The following ADAMTS17 variants were observed in gnomAD, a reference collection of about 807,000 sequenced individuals.
The protein encoded by ADAMTS17 is A disintegrin and metalloproteinase with thrombospondin motifs 17.
ADAMTS17 carries 113 observed loss-of-function variants against 141.5 expected under a neutral mutation model. The observed-to-expected ratio is 0.80, with a 90% CI of 0.69 to 0.93. ADAMTS17 has a LOEUF of 0.93. ADAMTS17 is among the 40% of genes least tolerant of loss of function. The pLI, the probability that ADAMTS17 is intolerant of heterozygous loss-of-function variation, is 0.00. For missense variants in ADAMTS17, 1,659 were observed against 1,517.9 expected, an observed-to-expected ratio of 1.09 and a Z score of -1.54; for synonymous variants, 768 against 630.6, an observed-to-expected ratio of 1.22 and a Z score of -3.27.
chr15:100,168,127 G>C (rs1243784856), intron 8 of ADAMTS17, among the ~76,000 whole-genome samples: 1 of 152,188 alleles, frequency 6.6e-6, no homozygotes, highest in Non-Finnish European at 1.5e-5. Context: ...CACTGTATCT[G>C]TTAGAGGCAG....
chr15:100,300,688 T>C (rs1596476381), intron 3 of ADAMTS17, among the ~76,000 whole-genome samples: 1 of 152,344 alleles, frequency 6.6e-6, no homozygotes, highest in East Asian at 1.9e-4. Flanking sequence ...GAGCTTCCTG[T>C]GGCTTCCTCT....
At chr15:100,023,469 G>A (rs1400883214) in intron 18 of ADAMTS17, among the ~76,000 whole-genome samples, 1 of 152,040 alleles carries the variant, frequency 6.6e-6, no homozygotes, top group Admixed American at 6.6e-5. Flanking sequence ...GCCTCCCAAA[G>A]TGGTGGGATT....
At chr15:100,138,735 G>C (rs893717321) in intron 10 of ADAMTS17, among the ~76,000 whole-genome samples, 11 of 152,086 alleles carry the variant, frequency 7.2e-5, no homozygotes, top group Non-Finnish European at 1.5e-5. Flanking sequence ...GAAAACAGCT[G>C]GAACAGAACA....
chr15:100,244,237 C>A (rs1371267715), intron 7 of ADAMTS17, among the ~76,000 whole-genome samples: 2 of 151,798 alleles, frequency 1.3e-5, no homozygotes, highest in African/African-American at 4.8e-5. Context: ...TTACCTCCCA[C>A]CAGGTCCCTC....
chr15:100,234,412 C>T (rs1037505774), intron 7 of ADAMTS17, among the ~76,000 whole-genome samples: 4 of 152,172 alleles, frequency 2.6e-5, no homozygotes, highest in Non-Finnish European at 2.9e-5. Flanking sequence ...ATGAAGGATA[C>T]GGGCCCACAG....
intron 10 of ADAMTS17, among the ~76,000 whole-genome samples, chr15:100,136,853 G>A (rs1002978066): frequency 6.6e-6 from 1 of 152,182 alleles, no homozygotes; most frequent in Non-Finnish European, 1.5e-5. Context: ...AAAGTCACTG[G>A]GTTTCAGAGA....
At chr15:100,057,439 C>T (rs2032675353) in intron 15 of ADAMTS17, among the ~76,000 whole-genome samples, 1 of 152,200 alleles carries the variant, frequency 6.6e-6, no homozygotes, top group Admixed American at 6.5e-5. Flanking sequence ...CAGCTGCTCT[C>T]CTCCTTGCTG....
At chr15:100,317,670 A>G (rs933465947) in intron 3 of ADAMTS17, among the ~76,000 whole-genome samples, 2 of 152,138 alleles carry the variant, frequency 1.3e-5, no homozygotes, top group African/African-American at 4.8e-5. Flanking sequence ...CACTGAGAAA[A>G]AGAGACAATG....
intron 12 of ADAMTS17, among the ~76,000 whole-genome samples, chr15:100,120,458 G>C (rs2037396201): frequency 6.6e-6 from 1 of 152,228 alleles, no homozygotes; most frequent in Non-Finnish European, 1.5e-5. Context: ...ACTTTCAGTT[G>C]TTAAGGTGCA....
At chr15:100,234,596 A>C (rs891781249) in intron 7 of ADAMTS17, among the ~76,000 whole-genome samples, 1 of 152,196 alleles carries the variant, frequency 6.6e-6, no homozygotes, top group Non-Finnish European at 1.5e-5. Context: ...CCAACACGTG[A>C]CTGTCTTATT....
At chr15:100,188,079 CTT>C (rs1161743369) in intron 8 of ADAMTS17, among the ~76,000 whole-genome samples, 3 of 147,610 alleles carry the variant, frequency 2.0e-5, no homozygotes, top group South Asian at 4.3e-4. Flanking sequence ...GCGAGGTCCT[CTT>C]TTTTTTTTGT....
intron 3 of ADAMTS17, among the ~76,000 whole-genome samples, chr15:100,302,115 T>G (rs1381840896): frequency 6.6e-6 from 1 of 152,226 alleles, no homozygotes; most frequent in Non-Finnish European, 1.5e-5. Flanking sequence ...ACCATTAATC[T>G]TTCTGTCTCC....
intron 3 of ADAMTS17, among the ~76,000 whole-genome samples, chr15:100,301,529 G>T (rs554165574): frequency 1.3e-5 from 2 of 150,606 alleles, no homozygotes; most frequent in South Asian, 4.2e-4. Context: ...AGTAGAGACG[G>T]GGTTTCACTG....
chr15:100,312,625 T>C (rs780074876), intron 3 of ADAMTS17, among the ~76,000 whole-genome samples: 3 of 152,194 alleles, frequency 2.0e-5, no homozygotes, highest in Non-Finnish European at 4.4e-5. Context: ...GCAGATACAG[T>C]GTGATGCTCA....
chr15:100,097,420 G>A (rs1172551397), intron 14 of ADAMTS17, among the ~76,000 whole-genome samples: 17 of 152,198 alleles, frequency 1.1e-4, no homozygotes, highest in Non-Finnish European at 1.5e-5. Context: ...CCTGGTGGAG[G>A]TGAGTTAGCC....
intron 7 of ADAMTS17, among the ~76,000 whole-genome samples, chr15:100,239,972 G>C (rs2042779586): frequency 6.6e-6 from 1 of 152,180 alleles, no homozygotes; most frequent in Non-Finnish European, 1.5e-5. Context: ...CCTGCTACCA[G>C]ATGTCTGTCT....
intron 8 of ADAMTS17, among the ~76,000 whole-genome samples, chr15:100,167,698 G>A (rs1258613469): frequency 1.3e-5 from 2 of 152,208 alleles, no homozygotes; most frequent in African/African-American, 4.8e-5. Context: ...TTTAGTCAAA[G>A]AATGTGCTTT....
intron 13 of ADAMTS17, among the ~76,000 whole-genome samples, chr15:100,116,589 C>A (rs146777525): frequency 6.6e-6 from 1 of 152,230 alleles, no homozygotes; most frequent in Non-Finnish European, 1.5e-5. Context: ...ACAGCCTCCT[C>A]GCTACAAATG....
chr15:100,062,098 T>C (rs1017066617), intron 15 of ADAMTS17, among the ~76,000 whole-genome samples: 7 of 150,734 alleles, frequency 4.6e-5, no homozygotes, highest in South Asian at 2.1e-4. Flanking sequence ...TTTTTAAGTG[T>C]TGTTCTATTT....
Sources: gnomAD v4.1 joint callset for allele counts (sites outside exome capture counted in the v4.1 genomes callset) on GRCh38, gnomAD v4.1.1 for gene constraint, MANE v1.5 for transcripts, NCBI Gene and HGNC (gene_info 2026-07-23, HGNC 2026-07-21) for gene names.